Variants in SLC30A8 observed in about 807,000 individuals in gnomAD.
SLC30A8 encodes proton-coupled zinc antiporter SLC30A8.
A neutral mutation model predicts 36.9 loss-of-function variants in SLC30A8; 27 were observed. That is an observed-to-expected ratio of 0.73 (90% CI 0.54 to 1.01). The LOEUF (loss-of-function observed/expected upper bound fraction) is 1.01, where lower values mean the gene tolerates loss of function less well. Among genes scored for constraint, SLC30A8 ranks in the 50% least tolerant of loss-of-function variants. SLC30A8 has a pLI of 0.00. For missense variants in SLC30A8, 439 were observed against 452.0 expected, an observed-to-expected ratio of 0.97 and a Z score of 0.26; for synonymous variants, 164 against 172.4, an observed-to-expected ratio of 0.95 and a Z score of 0.38.
Position 117,038,204 on chromosome 8 carries a change from ATAAGT to A in SLC30A8, c.-265-1010_-265-1006del, listed in dbSNP as rs1302482280. Among the ~76,000 whole-genome samples the A allele has an allele frequency of 5.3e-5, 8 of 152,352 alleles. No homozygotes were observed. In the South Asian group the frequency reaches 1.7e-3, roughly 32 times the overall value. ...CAAATGATACAAGAAAGTTTACATGATAAGTTAAGCCTCTCTTTTAGCCCCCAAAT... is the reference window on the plus strand; with the variant it reads ...CAAATGATACAAGAAAGTTTACATGATAAGCCTCTCTTTTAGCCCCCAAAT... On this transcript the variant is annotated intron_variant, in intron 1 of 10. Coordinates refer to the SLC30A8 transcript ENST00000427715.
chr8:117,125,528 G>A lies in SLC30A8; in HGVS notation c.-225-9752G>A, dbSNP rs1240563089. Among the ~76,000 whole-genome samples the A allele has an allele frequency of 2.0e-5, 3 of 151,998 alleles. No individual in the cohort carries two copies. The East Asian group carries it at 5.8e-4, about 30-fold the overall frequency. ...GTGCTATTAGCAGGAGTGGCACTAT[G>A]AGGGACCTCCATCAGCAGCATCTCT... On this transcript the variant is annotated intron_variant, in intron 2 of 10. Coordinates refer to the SLC30A8 transcript ENST00000427715.
intron 1 of SLC30A8, among the ~76,000 whole-genome samples, chr8:116,967,732 C>A (rs1814645235): frequency 6.6e-6 from 1 of 152,142 alleles, no homozygotes; most frequent in South Asian, 2.1e-4. Context: ...GCAATTCTTT[C>A]TAAACAATAT....
At chr8:117,034,985 C>G (rs1817167690) in intron 1 of SLC30A8, among the ~76,000 whole-genome samples, 1 of 152,084 alleles carries the variant, frequency 6.6e-6, no homozygotes, top group South Asian at 2.1e-4. Context: ...GAAACCACCC[C>G]CATGATCCAG....
chr8:117,007,213 A>T (rs182466286), intron 1 of SLC30A8: 9 of 152,138 alleles, frequency 5.9e-5, no homozygotes, highest in African/African-American at 1.9e-4. Flanking sequence ...CTTACTTATC[A>T]TACAAGTAAG....
intron 1 of SLC30A8, among the ~76,000 whole-genome samples, chr8:116,963,094 G>GCCAT (rs1814483896): frequency 6.6e-6 from 1 of 152,072 alleles, no homozygotes; most frequent in Non-Finnish European, 1.5e-5. Context: ...AAGAATGTAG[G>GCCAT]AAATCTTCAG....
chr8:116,994,097 C>T (rs1288627545), intron 1 of SLC30A8, among the ~76,000 whole-genome samples: 2 of 151,508 alleles, frequency 1.3e-5, no homozygotes, highest in African/African-American at 4.9e-5. Context: ...GATAGCTTCA[C>T]TGGTGAATTT....
At chr8:117,155,486 C>A (rs1298664674) in intron 3 of SLC30A8, among the ~76,000 whole-genome samples, 1 of 152,124 alleles carries the variant, frequency 6.6e-6, no homozygotes, top group Non-Finnish European at 1.5e-5. Context: ...AATAAAATAA[C>A]AATTTCTTGA....
chr8:116,952,906 T>A (rs1009689256), intron 1 of SLC30A8, among the ~76,000 whole-genome samples: 1 of 152,086 alleles, frequency 6.6e-6, no homozygotes, highest in Non-Finnish European at 1.5e-5. Flanking sequence ...AGGGGGTATA[T>A]GTGCAGATTC....
At chr8:117,147,371 T>C (rs1280175255) in intron 2 of SLC30A8, among the ~76,000 whole-genome samples, 1 of 152,174 alleles carries the variant, frequency 6.6e-6, no homozygotes, top group African/African-American at 2.4e-5. Flanking sequence ...TTTTAGGGAG[T>C]GTTTTGTACA....
At chr8:117,124,850 G>A (rs1009608760) in intron 2 of SLC30A8, among the ~76,000 whole-genome samples, 4 of 150,762 alleles carry the variant, frequency 2.7e-5, no homozygotes, top group Non-Finnish European at 4.4e-5. Context: ...CCTGGATGAC[G>A]GGATCCATAC....
rs757937209 is a variant in SLC30A8 at position 117,147,105 on chromosome 8, T to C, written c.223T>C (p.Cys75Arg). ...GTACGCCTATGCCAAGTGGAAACTC[T>C]GTTCTGCTTCAGCAATATGCTTCAT... The part of the protein sequence containing the change: ...NEYAYAKWKL[C>R]SASAICFIFM... Residue 75 changes from cysteine (C) to arginine (R), a missense_variant, in exon 2 of 8, where the codon TGT (cysteine) becomes CGT (arginine). Physicochemically the swap from Cys to Arg is radical, Grantham distance 180. Transcript: ENST00000456015. 4 of 1,614,134 alleles carry C rather than the reference T, an allele frequency of 2.5e-6. No individual in the cohort carries two copies. The highest frequency in any genetic ancestry group is 3.4e-6 in the Non-Finnish European group (4 of 1,180,014).
At chr8:117,078,853 A>G (rs1018369290) in intron 2 of SLC30A8, among the ~76,000 whole-genome samples, 4 of 151,892 alleles carry the variant, frequency 2.6e-5, no homozygotes, top group African/African-American at 9.7e-5. Flanking sequence ...ACACCTAGCT[A>G]ATTTTCTTAT....
intron 2 of SLC30A8, among the ~76,000 whole-genome samples, chr8:117,109,224 G>T (rs931821): frequency 6.6e-6 from 1 of 152,228 alleles, no homozygotes; most frequent in East Asian, 1.9e-4. Flanking sequence ...GGACAGCCCC[G>T]TGTAAAAGTT....
rs550211977 is a variant in SLC30A8, at chr8:117,044,917, A to G, written c.-226+5659A>G. 5.4e-4 allele frequency among the ~76,000 whole-genome samples: 82 copies of G among 152,270 alleles called. 1 individual carries two copies. Among genetic ancestry groups the G allele is most frequent in the African/African-American group, 1.8e-3 (75 of 41,554 alleles). ...GCGAGAAGGCGCCTTCTGCCTCAGA[A>G]CTAGCTGCAAATTCCGAGCTGTTGT... On this transcript the variant is annotated intron_variant, in intron 2 of 10. Transcript: ENST00000427715.
At chr8:117,051,866 C>G (rs1817721529) in intron 2 of SLC30A8, among the ~76,000 whole-genome samples, 1 of 152,038 alleles carries the variant, frequency 6.6e-6, no homozygotes, top group Non-Finnish European at 1.5e-5. Context: ...CCTCCTCACT[C>G]TGTTTTGCTC....
intron 2 of SLC30A8, among the ~76,000 whole-genome samples, chr8:117,059,028 A>T (rs1467202884): frequency 7.2e-6 from 1 of 138,932 alleles, no homozygotes; most frequent in Non-Finnish European, 1.5e-5. Flanking sequence ...GTGTGACAGA[A>T]ATTTCATACT....
intron 1 of SLC30A8, among the ~76,000 whole-genome samples, chr8:116,987,399 A>G (rs1172258273): frequency 1.3e-5 from 2 of 151,264 alleles, no homozygotes; most frequent in Non-Finnish European, 2.9e-5. Context: ...TATGTAACAG[A>G]CCTGCACGTT....
chr8:116,978,837 C>A (rs1815148216), intron 1 of SLC30A8, among the ~76,000 whole-genome samples: 2 of 152,136 alleles, frequency 1.3e-5, no homozygotes. Flanking sequence ...TATGCATATG[C>A]TCACCTATAT....
intron 2 of SLC30A8, among the ~76,000 whole-genome samples, chr8:117,117,807 A>T (rs2130892463): frequency 6.6e-6 from 1 of 152,112 alleles, no homozygotes; most frequent in African/African-American, 2.4e-5. Context: ...CAGAGGTAAA[A>T]AGTCCATTCA....
Sources: gnomAD v4.1 joint callset for allele counts (sites outside exome capture counted in the v4.1 genomes callset) on GRCh38, gnomAD v4.1.1 for gene constraint, MANE v1.5 for transcripts, NCBI Gene and HGNC (gene_info 2026-07-23, HGNC 2026-07-21) for gene names.